Variants in ROBO2 observed in about 807,000 individuals in gnomAD.
The protein encoded by ROBO2 is roundabout homolog 2.
Under a neutral mutation model 160.8 loss-of-function variants are expected in ROBO2, and 53 were observed. The observed-to-expected ratio is 0.33, with a 90% CI of 0.26 to 0.41. The LOEUF is 0.41. Ranked by LOEUF, ROBO2 falls within the 10% of genes least tolerant of loss-of-function variation. The probability of loss-of-function intolerance (pLI) is 1.00; values close to 1 mark genes in which losing one functional copy is unlikely to be tolerated. For missense variants in ROBO2, 1,577 were observed against 1,722.4 expected (o/e 0.92, Z 1.49); for synonymous variants, 664 against 611.7 (o/e 1.09, Z -1.26).
chr3:76,371,331 T>G (rs2076088059), intron 2 of ROBO2, among the ~76,000 whole-genome samples: 1 of 152,000 alleles, frequency 6.6e-6, no homozygotes, highest in East Asian at 1.9e-4. Flanking sequence ...AAAGGGTATT[T>G]ACAATCTGTT....
At chr3:76,532,810 C>T (rs1240511802) in intron 2 of ROBO2, among the ~76,000 whole-genome samples, 1 of 152,198 alleles carries the variant, frequency 6.6e-6, no homozygotes, top group African/African-American at 2.4e-5. Context: ...AACCTGTTCT[C>T]ATGCTACCCC....
At chr3:76,248,610 G>A (rs915184609) in intron 2 of ROBO2, among the ~76,000 whole-genome samples, 1 of 150,712 alleles carries the variant, frequency 6.6e-6, no homozygotes, top group African/African-American at 2.4e-5. Flanking sequence ...CCTGCACAAT[G>A]TGCACATGTA....
chr3:76,148,332 CT>C (rs2071998920), intron 2 of ROBO2, among the ~76,000 whole-genome samples: 1 of 152,070 alleles, frequency 6.6e-6, no homozygotes, highest in Non-Finnish European at 1.5e-5. Context: ...ATCTCATCCC[CT>C]GTCATCTAGT....
At chr3:77,482,768 A>C (rs571475748) in intron 4 of ROBO2, among the ~76,000 whole-genome samples, 1 of 152,236 alleles carries the variant, frequency 6.6e-6, no homozygotes, top group African/African-American at 2.4e-5. Flanking sequence ...GTGGTCACTG[A>C]ACGTTAGCAT....
chr3:76,924,437 C>T (rs1010086771), intron 2 of ROBO2, among the ~76,000 whole-genome samples: 4 of 152,174 alleles, frequency 2.6e-5, no homozygotes, highest in African/African-American at 9.7e-5. Flanking sequence ...AGGAAGCAGG[C>T]CCTCCACAGA....
In ROBO2 at chr3:77,225,019, C is replaced by CATA. The variant is rs568068744; in HGVS notation, c.388+126680_388+126682dup. Among the ~76,000 whole-genome samples the CATA allele has an allele frequency of 8.7e-3, 1,326 of 151,676 alleles. 5 individuals carry two copies. Among genetic ancestry groups the CATA allele is most frequent in the Non-Finnish European group, 0.014 (940 of 67,692 alleles). On this transcript the variant is annotated intron_variant, in intron 2 of 25. Transcript: ENST00000461745. ...TACTTTTATTGTGAAAATTTTTAAA[C>CATA]ATAGAGTATTAGAAAAAAGTAGCAT...
intron 2 of ROBO2, among the ~76,000 whole-genome samples, chr3:76,096,306 T>A (rs970435937): frequency 6.6e-6 from 1 of 152,124 alleles, no homozygotes; most frequent in African/African-American, 2.4e-5. Context: ...CATCATAACT[T>A]GGGTAACAAG....
chr3:76,690,045 C>T (rs899279399), intron 2 of ROBO2, among the ~76,000 whole-genome samples: 5 of 152,110 alleles, frequency 3.3e-5, no homozygotes, highest in East Asian at 3.9e-4. Context: ...ATGGCACCTA[C>T]ATTTACCTAG....
At chr3:76,456,905 C>T (rs1056888612) in intron 2 of ROBO2, among the ~76,000 whole-genome samples, 2 of 152,146 alleles carry the variant, frequency 1.3e-5, no homozygotes, top group African/African-American at 2.4e-5. Flanking sequence ...CATCAGAGCT[C>T]GTGAGACTTA....
At chr3:76,223,164 T>C (rs150513202) in intron 2 of ROBO2, among the ~76,000 whole-genome samples, 212 of 151,950 alleles carry the variant, frequency 1.4e-3, no homozygotes, top group African/African-American at 4.0e-3. Flanking sequence ...CACTTCCTCA[T>C]GAATTATGCT....
At chr3:76,621,462 G>GAAT (rs2089074397) in intron 2 of ROBO2, among the ~76,000 whole-genome samples, 1 of 152,194 alleles carries the variant, frequency 6.6e-6, no homozygotes, top group Admixed American at 6.5e-5. Flanking sequence ...CAAGAATGGT[G>GAAT]AATAGCTCTG....
chr3:77,602,410 C>A lies in ROBO2; in HGVS notation c.3055C>A (p.Gln1019Lys), dbSNP rs1172500643. Residue 1019 changes from glutamine (Q) to lysine (K), a missense_variant, in exon 20 of 26, where the codon CAA becomes AAA. This residue lies in a region of ROBO2 where 637 missense variants were observed against 586.9 expected (regional missense o/e 1.09). Coordinates refer to ENST00000461745, the Ensembl canonical transcript of ROBO2. ...ATTGGCTGTCGATCTGCCTGATCCA[C>A]AATGGAAAAGCTCAATTCAGCAAAA... 5 of 1,614,102 alleles carry A rather than the reference C, an allele frequency of 3.1e-6. No individual in the cohort carries two copies. In the Admixed American group the frequency reaches 5.0e-5, roughly 16 times the overall value.
At chr3:76,378,403 G>A (rs149032763) in intron 2 of ROBO2, among the ~76,000 whole-genome samples, 53 of 152,212 alleles carry the variant, frequency 3.5e-4, no homozygotes, top group African/African-American at 1.3e-3. Context: ...TACACAAAAT[G>A]TATAGTGTCA....
chr3:76,463,907 T>C (rs1353147829), intron 2 of ROBO2, among the ~76,000 whole-genome samples: 1 of 152,158 alleles, frequency 6.6e-6, no homozygotes, highest in Non-Finnish European at 1.5e-5. Flanking sequence ...ACTCTGCTAG[T>C]TAAGTCACCT....
chr3:76,447,044 A>T (rs1228894367), intron 2 of ROBO2, among the ~76,000 whole-genome samples: 1 of 152,194 alleles, frequency 6.6e-6, no homozygotes, highest in East Asian at 1.9e-4. Flanking sequence ...GACAGATGGG[A>T]TCTAATTAAA....
intron 2 of ROBO2, among the ~76,000 whole-genome samples, chr3:76,972,118 C>A (rs2059600168): frequency 6.6e-6 from 1 of 152,082 alleles, no homozygotes; most frequent in African/African-American, 2.4e-5. Context: ...AACACCTTAA[C>A]AAATTCTTTA....
chr3:77,201,475 C>T (rs2082907320), intron 2 of ROBO2, among the ~76,000 whole-genome samples: 1 of 152,082 alleles, frequency 6.6e-6, no homozygotes, highest in African/African-American at 2.4e-5. Flanking sequence ...TGATGTTACT[C>T]TTTGTGCCTC....
intron 2 of ROBO2, among the ~76,000 whole-genome samples, chr3:76,650,481 C>CTTTTTTTTTTTTTTTTTTTTT (rs67171130): frequency 6.8e-6 from 1 of 146,732 alleles, no homozygotes. Flanking sequence ...CCTTCTTTCT[C>CTTTTTTTTTTTTTTTTTTTTT]TTTTTTTTTT....
At position 77,627,445 on chromosome 3, in the gene ROBO2, A is replaced by AT. The variant is rs376194342; in HGVS notation, c.3760+5024dup. ...CAGGCTCGGGCCACCACGCTAAGCT[A>AT]TTTTTTTTTTTGTATTTTTAGTAGA... is the stretch of plus-strand genomic sequence containing the variant. On this transcript the variant is annotated intron_variant, in intron 23 of 25. Transcript: ENST00000461745. 3.2e-3 allele frequency among the ~76,000 whole-genome samples: 461 copies of AT among 144,398 alleles called. 1 individual carries two copies. Among genetic ancestry groups the AT allele is most frequent in the African/African-American group, 8.1e-3 (322 of 39,550 alleles). The allele number at this position is 144,398 out of a possible 152,430, so 94.7% of individuals were successfully genotyped here. A position where few individuals can be genotyped will look rare whatever the true frequency, so the allele number is the denominator to read the frequency against.
Sources: allele counts gnomAD v4.1 joint callset (sites outside exome capture counted in the v4.1 genomes callset), GRCh38; gene constraint gnomAD v4.1.1; regional missense constraint gnomAD v4.1.1; transcripts MANE v1.5; gene names NCBI Gene and HGNC (gene_info 2026-07-23, HGNC 2026-07-21).